Variants in OR2F2 observed in about 807,000 individuals in gnomAD.
OR2F2 encodes olfactory receptor family 2 subfamily F member 2, also known as olfactory receptor 2F2.
For missense variants in OR2F2, 375 were observed against 380.2 expected (o/e 0.99, Z 0.11); for synonymous variants, 161 against 159.0 (o/e 1.01, Z -0.09).
rs1236547066 is a variant in OR2F2, at chr7:143,935,916, C to G, written c.684C>G (p.Ile228Met). The G allele has an allele frequency of 6.2e-7, 1 of 1,614,146 alleles. No homozygotes were observed. Among genetic ancestry groups the G allele is most frequent in the South Asian group, 1.1e-5 (1 of 91,078 alleles). ...GGATCATCTCCACCATCCTAAAGAT[C>G]CAGTCCAGAGAAGGAAGAAAGAAAG... ...YIRIISTILK[I>M]QSREGRKKAF... Residue 228 changes from isoleucine (I) to methionine (M), a missense_variant, in exon 1 of 1, where the codon ATC (isoleucine) becomes ATG (methionine). By Grantham distance (10) the Ile-to-Met change is conservative (BLOSUM62 1). Coordinates refer to ENST00000408955, the MANE Select transcript of OR2F2 (RefSeq NM_001004685.1).
chr7:143,935,606 C>T lies in OR2F2; in HGVS notation c.374C>T (p.Ala125Val). 7 of 1,614,200 alleles carry T rather than the reference C, an allele frequency of 4.3e-6. No homozygotes were observed. Among genetic ancestry groups the T allele is most frequent in the Non-Finnish European group, 5.1e-6 (6 of 1,180,026 alleles). ...LAVMAYDRHV[A>V]VSDRLRYSAI... Reference sequence around the variant, plus strand: ...GTGATGGCCTATGACCGCCATGTGGCTGTGTCTGACCGCCTGCGATACTCG... The same window carrying T: ...GTGATGGCCTATGACCGCCATGTGGTTGTGTCTGACCGCCTGCGATACTCG... Residue 125 changes from alanine (A) to valine (V), a missense_variant, in exon 1 of 1, where the codon GCT (alanine) becomes GTT (valine). Transcript: ENST00000408955.
chr7:143,935,342 T>C lies in OR2F2; in HGVS notation c.110T>C (p.Met37Thr), dbSNP rs1385700051. Residue 37 changes from methionine to threonine, a missense_variant, in exon 1 of 1, where the codon ATG becomes ACG. Physicochemically the swap from Met to Thr is moderately conservative, Grantham distance 81. Coordinates refer to ENST00000408955, the MANE Select transcript of OR2F2 (RefSeq NM_001004685.1). Reference protein sequence around the residue: ...LFSLFLVTYLMTVLGNCLIVL... With the variant: ...LFSLFLVTYLTTVLGNCLIVL... ...TCCCTGTTCTTGGTCACATACCTCA[T>C]GACAGTGCTGGGGAACTGTCTCATT... 1 of 1,614,222 alleles carries C rather than the reference T, an allele frequency of 6.2e-7. No individual in the cohort carries two copies. The highest frequency in any genetic ancestry group is 1.7e-5 in the Admixed American group (1 of 60,032).
Position 143,936,122 on chromosome 7 carries a change from TGAAGGGGGCCTGGCATAAACTATTAGA to T in OR2F2, c.894_920del (p.Gly299_Lys307del). ...ATTTATAGTCTAAGGAATAAAGAGG[TGAAGGGGGCCTGGCATAAACTATTAGA>T]GAAATTCTCTGGGTTAACATCCAAG... On this transcript the variant is annotated inframe_deletion, in exon 1 of 1. Coordinates refer to ENST00000408955, the MANE Select transcript of OR2F2 (RefSeq NM_001004685.1). 1 of 1,613,758 alleles carries T rather than the reference TGAAGGGGGCCTGGCATAAACTATTAGA, an allele frequency of 6.2e-7. No homozygotes were observed. Among genetic ancestry groups the T allele is most frequent in the Non-Finnish European group, 8.5e-7 (1 of 1,179,944 alleles).
rs1257687556 is a variant in OR2F2, at chr7:143,935,839, AGC to A, written c.608_609del (p.Ser203AsnfsTer88). 2.5e-6 allele frequency: 4 copies of A among 1,614,104 alleles called. No individual in the cohort carries two copies. In the African/African-American group the frequency reaches 5.3e-5, roughly 22 times the overall value. ...CAATGAGGCTGCCATCATGGTGTCTAGCATTGTTCTTCTGATGACACCTTTCT... is the reference window on the plus strand; with the variant it reads ...CAATGAGGCTGCCATCATGGTGTCTAATTGTTCTTCTGATGACACCTTTCT... Reference protein sequence around the residue: ...SSNEAAIMVSSIVLLMTPFCL... With the variant: ...SSNEAAIMVSXIVLLMTPFCL... On this transcript the variant is annotated frameshift_variant, in exon 1 of 1. Transcript: ENST00000408955. LOFTEE classifies it low-confidence loss of function (END_TRUNC).
chr7:143,935,877 G>T lies in OR2F2; in HGVS notation c.645G>T (p.Leu215=), dbSNP rs115160237. ...TGATGACACCTTTCTGCCTGGTTCT[G>T]TTGTCCTACATCCGGATCATCTCCA... ...VLLMTPFCLV[L]LSYIRIISTI... is the part of the protein sequence containing the mutation. The change falls in exon 1 of 1, where the codon CTG becomes CTT. Residue 215 remains leucine, a synonymous_variant. Transcript: ENST00000408955. The T allele has an allele frequency of 1.1e-3, 1,753 of 1,614,150 alleles. 14 individuals are homozygous for T. The African/African-American group carries it at 0.02, about 19-fold the overall frequency.
In OR2F2 at chr7:143,935,510, C is replaced by A; in HGVS notation, c.278C>A (p.Pro93Gln). ...TTTCTTGCAGAACATAAAGCCATCC[C>A]ATTCCAGAGCTGTGCAGCCCAGTTA... is the stretch of plus-strand genomic sequence containing the variant. ...AHFLAEHKAI[P>Q]FQSCAAQLFF... Residue 93 changes from proline (P) to glutamine (Q), a missense_variant, in exon 1 of 1, where the codon CCA (proline) becomes CAA (glutamine). Physicochemically the swap from Pro to Gln is moderately conservative, Grantham distance 76 (BLOSUM62 -1). Coordinates refer to ENST00000408955, the MANE Select transcript of OR2F2 (RefSeq NM_001004685.1). 3.1e-6 allele frequency: 5 copies of A among 1,614,224 alleles called. No homozygotes were observed. The highest frequency in any genetic ancestry group is 4.2e-6 in the Non-Finnish European group (5 of 1,180,044).
In OR2F2 at chr7:143,935,766, C is replaced by T. The variant is rs1406794720; in HGVS notation, c.534C>T (p.Ser178=). The T allele has an allele frequency of 1.5e-5, 25 of 1,614,116 alleles. No individual in the cohort carries two copies. The highest frequency in any genetic ancestry group is 2.0e-5 in the Non-Finnish European group (24 of 1,180,056). Residue 178 remains serine, a synonymous_variant, in exon 1 of 1, where the codon TCC becomes TCT. Transcript: ENST00000408955. ...MCTNKFIDHI[S]CELLAVVRLA... ...CTAACAAGTTTATTGATCACATATC[C>T]TGTGAACTCCTAGCTGTGGTCAGGC...
Position 143,935,247 on chromosome 7 carries a change from C to A in OR2F2, c.15C>A (p.Asn5Lys). Residue 5 changes from asparagine (N) to lysine (K), a missense_variant, in exon 1 of 1, where the codon AAC (asparagine) becomes AAA (lysine). Coordinates refer to ENST00000408955, the MANE Select transcript of OR2F2 (RefSeq NM_001004685.1). MEID[N>K]QTWVREFILL... Reference sequence around the variant, plus strand: ...CACATTTTTAAATGGAAATAGATAACCAGACGTGGGTGAGAGAATTTATTC... The same window carrying A: ...CACATTTTTAAATGGAAATAGATAAACAGACGTGGGTGAGAGAATTTATTC... 6.2e-7 allele frequency: 1 copy of A among 1,609,464 alleles called. No homozygotes were observed. The highest frequency in any genetic ancestry group is 8.5e-7 in the Non-Finnish European group (1 of 1,176,876).
In OR2F2 at chr7:143,935,876, T is replaced by TG; in HGVS notation, c.645dup (p.Leu216ValfsTer76). 1 of 1,614,248 alleles carries TG rather than the reference T, an allele frequency of 6.2e-7. No individual in the cohort carries two copies. Among genetic ancestry groups the TG allele is most frequent in the Non-Finnish European group, 8.5e-7 (1 of 1,180,046 alleles). On this transcript the variant is annotated frameshift_variant, in exon 1 of 1. Transcript: ENST00000408955. LOFTEE classifies it low-confidence loss of function (END_TRUNC). ...CTGATGACACCTTTCTGCCTGGTTC[T>TG]GTTGTCCTACATCCGGATCATCTCC...
In OR2F2 at chr7:143,935,813, C is replaced by G; in HGVS notation, c.581C>G (p.Ser194Cys). 2 of 1,614,218 alleles carry G rather than the reference C, an allele frequency of 1.2e-6. No individual in the cohort carries two copies. The highest frequency in any genetic ancestry group is 1.7e-6 in the Non-Finnish European group (2 of 1,180,038). Reference sequence around the variant, plus strand: ...AGGCTGGCTTGTGTGGACACCTCCTCCAATGAGGCTGCCATCATGGTGTCT... The same window carrying G: ...AGGCTGGCTTGTGTGGACACCTCCTGCAATGAGGCTGCCATCATGGTGTCT... ...VVRLACVDTS[S>C]NEAAIMVSSI... is the part of the protein sequence containing the mutation. Residue 194 changes from serine (S) to cysteine (C), a missense_variant, in exon 1 of 1, where the codon TCC (serine) becomes TGC (cysteine). Coordinates refer to ENST00000408955, the MANE Select transcript of OR2F2 (RefSeq NM_001004685.1).
In OR2F2 at chr7:143,936,123, G is replaced by A. The variant is rs1285983321; in HGVS notation, c.891G>A (p.Val297=). 1 of 1,613,800 alleles carries A rather than the reference G, an allele frequency of 6.2e-7. No individual in the cohort carries two copies. Among genetic ancestry groups the A allele is most frequent in the South Asian group, 1.1e-5 (1 of 91,046 alleles). ...TTTATAGTCTAAGGAATAAAGAGGT[G>A]AAGGGGGCCTGGCATAAACTATTAG... ...PVIYSLRNKE[V]KGAWHKLLEK... is the part of the protein sequence containing the mutation. The change falls in exon 1 of 1, where the codon GTG becomes GTA. Residue 297 remains valine, a synonymous_variant. Coordinates refer to ENST00000408955, the MANE Select transcript of OR2F2 (RefSeq NM_001004685.1).
chr7:143,935,372 T>C lies in OR2F2; in HGVS notation c.140T>C (p.Leu47Pro). The C allele has an allele frequency of 6.2e-7, 1 of 1,614,204 alleles. No homozygotes were observed. The highest frequency in any genetic ancestry group is 1.3e-5 in the African/African-American group (1 of 75,058). ...MTVLGNCLIVLLIRLDSRLHT... is the reference protein window; with the variant it reads ...MTVLGNCLIVPLIRLDSRLHT... ...GTGCTGGGGAACTGTCTCATTGTCCTTCTGATCAGACTGGACAGCCGACTC... is the reference window on the plus strand; with the variant it reads ...GTGCTGGGGAACTGTCTCATTGTCCCTCTGATCAGACTGGACAGCCGACTC... The change falls in exon 1 of 1, where the codon CTT (leucine) becomes CCT (proline). Residue 47 changes from leucine to proline, a missense_variant. Physicochemically the swap from Leu to Pro is moderately conservative, Grantham distance 98. Transcript: ENST00000408955.
Position 143,935,480 on chromosome 7 carries a change from C to A in OR2F2, c.248C>A (p.Ala83Glu), listed in dbSNP as rs1475592941. The change falls in exon 1 of 1, where the codon GCA (alanine) becomes GAA (glutamate). Residue 83 changes from alanine to glutamate, a missense_variant. Physicochemically the swap from Ala to Glu is moderately radical, Grantham distance 107. Coordinates refer to ENST00000408955, the MANE Select transcript of OR2F2 (RefSeq NM_001004685.1). ...YATSVVPQLLAHFLAEHKAIP... is the reference protein window; with the variant it reads ...YATSVVPQLLEHFLAEHKAIP... ...ACAAGCGTAGTCCCCCAGCTGCTGG[C>A]ACATTTTCTTGCAGAACATAAAGCC... is the stretch of plus-strand genomic sequence containing the variant. The A allele has an allele frequency of 1.2e-6, 2 of 1,614,224 alleles. No individual in the cohort carries two copies. The highest frequency in any genetic ancestry group is 1.3e-5 in the African/African-American group (1 of 75,058).
chr7:143,935,838 T>C lies in OR2F2; in HGVS notation c.606T>C (p.Ser202=). 1 of 1,614,236 alleles carries C rather than the reference T, an allele frequency of 6.2e-7. No homozygotes were observed. The highest frequency in any genetic ancestry group is 1.3e-5 in the African/African-American group (1 of 75,062). The change falls in exon 1 of 1, where the codon TCT becomes TCC. Residue 202 remains serine (S), a synonymous_variant. Transcript: ENST00000408955. ...TSSNEAAIMV[S]SIVLLMTPFC... is the part of the protein sequence containing the mutation. ...CCAATGAGGCTGCCATCATGGTGTC[T>C]AGCATTGTTCTTCTGATGACACCTT... is the stretch of plus-strand genomic sequence containing the variant.
Position 143,935,407 on chromosome 7 carries a change from A to G in OR2F2, c.175A>G (p.Met59Val). 1 of 1,614,060 alleles carries G rather than the reference A, an allele frequency of 6.2e-7. No homozygotes were observed. Among genetic ancestry groups the G allele is most frequent in the Non-Finnish European group, 8.5e-7 (1 of 1,179,992 alleles). Reference protein sequence around the residue: ...IRLDSRLHTPMYFFLTNLSLV... With the variant: ...IRLDSRLHTPVYFFLTNLSLV... The stretch of plus-strand genomic sequence containing the variant: ...ACTGGACAGCCGACTCCACACTCCC[A>G]TGTATTTCTTTCTCACCAACCTCTC... Residue 59 changes from methionine (M) to valine (V), a missense_variant, in exon 1 of 1, where the codon ATG becomes GTG. Coordinates refer to ENST00000408955, the MANE Select transcript of OR2F2 (RefSeq NM_001004685.1).
Position 143,935,495 on chromosome 7 carries a change from A to G in OR2F2, c.263A>G (p.Glu88Gly), listed in dbSNP as rs759461043. ...CAGCTGCTGGCACATTTTCTTGCAG[A>G]ACATAAAGCCATCCCATTCCAGAGC... The part of the protein sequence containing the change: ...VPQLLAHFLA[E>G]HKAIPFQSCA... The change falls in exon 1 of 1, where the codon GAA (glutamate) becomes GGA (glycine). Residue 88 changes from glutamate to glycine, a missense_variant. Glu to Gly is a moderately conservative substitution (Grantham distance 98). Transcript: ENST00000408955. 1.2e-6 allele frequency: 2 copies of G among 1,614,176 alleles called. No homozygotes were observed. The highest frequency in any genetic ancestry group is 2.2e-5 in the East Asian group (1 of 44,886).
In OR2F2 at chr7:143,936,085, C is replaced by T. The variant is rs1562988768; in HGVS notation, c.853C>T (p.Leu285=). ...SVFYAIVMPL[L]NPVIYSLRNK... is the part of the protein sequence containing the mutation. ...CTTCTATGCCATTGTTATGCCTCTGCTGAACCCTGTGATTTATAGTCTAAG... is the reference window on the plus strand; with the variant it reads ...CTTCTATGCCATTGTTATGCCTCTGTTGAACCCTGTGATTTATAGTCTAAG... Residue 285 remains leucine, a synonymous_variant, in exon 1 of 1, where the codon CTG becomes TTG. Transcript: ENST00000408955. 1.9e-6 allele frequency: 3 copies of T among 1,614,054 alleles called. No homozygotes were observed. Among genetic ancestry groups the T allele is most frequent in the East Asian group, 2.2e-5 (1 of 44,878 alleles).
chr7:143,936,025 G>A lies in OR2F2; in HGVS notation c.793G>A (p.Gly265Ser), dbSNP rs1330101935. The A allele has an allele frequency of 3.7e-6, 6 of 1,613,786 alleles. No homozygotes were observed. Among genetic ancestry groups the A allele is most frequent in the African/African-American group, 1.3e-5 (1 of 74,846 alleles). ...TTTCACTTACATCCAGCCCCACTCT[G>A]GTCCCTCAGTCCTTCAAGAGAAGCT... ...TIFTYIQPHS[G>S]PSVLQEKLIS... Residue 265 changes from glycine to serine, a missense_variant, in exon 1 of 1, where the codon GGT (glycine) becomes AGT (serine). Gly to Ser is a moderately conservative substitution (Grantham distance 56). Transcript: ENST00000408955.
Position 143,935,422 on chromosome 7 carries a change from A to G in OR2F2, c.190A>G (p.Thr64Ala), listed in dbSNP as rs781359394. The G allele has an allele frequency of 3.7e-6, 6 of 1,613,898 alleles. No individual in the cohort carries two copies. The South Asian group carries it at 6.6e-5, about 18-fold the overall frequency. Residue 64 changes from threonine (T) to alanine (A), a missense_variant, in exon 1 of 1, where the codon ACC (threonine) becomes GCC (alanine). By Grantham distance (58) the Thr-to-Ala change is moderately conservative (BLOSUM62 0). Transcript: ENST00000408955. ...RLHTPMYFFL[T>A]NLSLVDVSYA... ...CCACACTCCCATGTATTTCTTTCTC[A>G]CCAACCTCTCCCTTGTCGATGTCTC...
Sources: gnomAD v4.1 joint callset for allele counts on GRCh38, gnomAD v4.1.1 for gene constraint, MANE v1.5 for transcripts, NCBI Gene and HGNC (gene_info 2026-07-23, HGNC 2026-07-21) for gene names.